Variants in OSBP2 observed in about 807,000 individuals in gnomAD.
The protein encoded by OSBP2 is oxysterol binding protein 2.
A neutral mutation model predicts 96.0 loss-of-function variants in OSBP2; 66 were observed. That is an observed-to-expected ratio of 0.69 (90% confidence interval 0.56 to 0.84). The LOEUF (loss-of-function observed/expected upper bound fraction) is 0.84, where lower values mean the gene tolerates loss of function less well. Among genes scored for constraint, OSBP2 ranks in the 40% least tolerant of loss-of-function variants. The probability of loss-of-function intolerance (pLI) is 0.00; values close to 1 mark genes in which losing one functional copy is unlikely to be tolerated. For synonymous variants in OSBP2, 525 were observed against 520.9 expected, an observed-to-expected ratio of 1.01 and a Z score of -0.11; for missense variants, 1,038 against 1,222.7, an observed-to-expected ratio of 0.85 and a Z score of 2.25.
rs368427485 is a variant in OSBP2 at position 30,888,273 on chromosome 22, G to A, written c.1351G>A (p.Glu451Lys). The A allele has an allele frequency of 1.1e-5, 17 of 1,613,710 alleles. No homozygotes were observed. Among genetic ancestry groups the A allele is most frequent in the African/African-American group, 8.0e-5 (6 of 74,902 alleles). ...GEDSEEDEDT[E>K]YFDAMEDSTS... ...GGACAGTGAGGAAGATGAAGATACC[G>A]AGTACTTTGATGCCATGGAAGACTC... Residue 451 changes from glutamate to lysine, a missense_variant, in exon 5 of 14, where the codon GAG (glutamate) becomes AAG (lysine). Glu to Lys is a moderately conservative substitution (Grantham distance 56, BLOSUM62 1). Transcript: ENST00000332585.
chr22:30,843,900 A>T (rs1367943543), intron 2 of OSBP2, among the ~76,000 whole-genome samples: 4 of 148,388 alleles, frequency 2.7e-5, no homozygotes, highest in Non-Finnish European at 4.5e-5. Flanking sequence ...TTGAGACAAG[A>T]TCTTACTCTG....
intron 2 of OSBP2, among the ~76,000 whole-genome samples, chr22:30,815,418 C>G (rs1411379342): frequency 1.3e-5 from 2 of 152,206 alleles, no homozygotes; most frequent in Non-Finnish European, 2.9e-5. Flanking sequence ...CCTTCGATAT[C>G]TTCTGTACTT....
intron 2 of OSBP2, among the ~76,000 whole-genome samples, chr22:30,825,752 T>G (rs560739876): frequency 6.6e-6 from 1 of 152,198 alleles, no homozygotes; most frequent in Non-Finnish European, 1.5e-5. Flanking sequence ...CTGGTGGCCT[T>G]GGGCAGGCCC....
chr22:30,893,345 C>A (rs2039995269), intron 9 of OSBP2, 103 bp downstream of exon 9: 10 of 1,545,636 alleles, frequency 6.5e-6, no homozygotes, highest in Admixed American at 1.7e-5. Flanking sequence ...AGGGAGACCT[C>A]CCTGTAGGCC....
intron 2 of OSBP2, among the ~76,000 whole-genome samples, chr22:30,762,554 A>AG (rs1330695061): frequency 6.6e-6 from 1 of 152,146 alleles, no homozygotes; most frequent in East Asian, 1.9e-4. Flanking sequence ...AAAAAAAAAA[A>AG]TGCAATTTTG....
At chr22:30,773,697 T>C (rs971783784) in intron 2 of OSBP2, among the ~76,000 whole-genome samples, 1 of 151,800 alleles carries the variant, frequency 6.6e-6, no homozygotes, top group African/African-American at 2.4e-5. Flanking sequence ...GACACAGTGG[T>C]CACTTTGGTC....
intron 2 of OSBP2, among the ~76,000 whole-genome samples, chr22:30,787,293 G>T (rs1311952880): frequency 6.6e-6 from 1 of 152,198 alleles, no homozygotes; most frequent in Middle Eastern, 3.2e-3. Flanking sequence ...TAACATGGCG[G>T]CAGGAAGGAG....
intron 2 of OSBP2, among the ~76,000 whole-genome samples, chr22:30,816,212 A>T (rs1464551063): frequency 6.6e-6 from 1 of 152,178 alleles, no homozygotes; most frequent in Admixed American, 6.5e-5. Flanking sequence ...CCAACAAAGG[A>T]GGAACATTCT....
intron 2 of OSBP2, among the ~76,000 whole-genome samples, chr22:30,846,062 T>C (rs2038864199): frequency 6.6e-6 from 1 of 152,114 alleles, no homozygotes; most frequent in African/African-American, 2.4e-5. Context: ...CTTGGGTGTA[T>C]ACCTAGGAGT....
intron 1 of OSBP2, among the ~76,000 whole-genome samples, chr22:30,736,113 C>G (rs2089850992): frequency 6.6e-6 from 1 of 151,986 alleles, no homozygotes; most frequent in Non-Finnish European, 1.5e-5. Flanking sequence ...GGGGTTTCAC[C>G]ATGTTGTCCA....
At chr22:30,730,244 C>T (rs1373312140) in intron 1 of OSBP2, among the ~76,000 whole-genome samples, 3 of 152,068 alleles carry the variant, frequency 2.0e-5, no homozygotes, top group East Asian at 1.9e-4. Context: ...ATTACAGGCG[C>T]GAGCCACCGC....
chr22:30,805,993 A>ATG, intron 2 of OSBP2, among the ~76,000 whole-genome samples: 1 of 152,290 alleles, frequency 6.6e-6, no homozygotes, highest in South Asian at 2.1e-4. Context: ...CTCCAACGAT[A>ATG]TGTGTCTCTT....
chr22:30,807,988 C>T (rs1300283221), intron 2 of OSBP2, among the ~76,000 whole-genome samples: 4 of 151,950 alleles, frequency 2.6e-5, no homozygotes, highest in Admixed American at 2.0e-4. Flanking sequence ...CAAGGTCTTG[C>T]TGTGTTGCCT....
At chr22:30,793,365 G>C (rs142380785) in intron 2 of OSBP2, among the ~76,000 whole-genome samples, 67 of 152,082 alleles carry the variant, frequency 4.4e-4, no homozygotes, top group African/African-American at 1.6e-3. Context: ...ACTCCAGCCT[G>C]GGAAAAAAGA....
chr22:30,852,882 T>C (rs2039002651), intron 2 of OSBP2, among the ~76,000 whole-genome samples: 1 of 152,238 alleles, frequency 6.6e-6, no homozygotes, highest in Admixed American at 6.5e-5. Context: ...TTCAACCCAT[T>C]GGCTATTGAA....
intron 2 of OSBP2, among the ~76,000 whole-genome samples, chr22:30,766,124 A>G (rs186041473): frequency 2.6e-5 from 4 of 152,268 alleles, no homozygotes; most frequent in Admixed American, 2.6e-4. Context: ...AGTCCTACCT[A>G]CTCAAGAGAC....
chr22:30,770,989 G>A (rs1026344990), intron 2 of OSBP2, among the ~76,000 whole-genome samples: 9 of 152,214 alleles, frequency 5.9e-5, no homozygotes, highest in Non-Finnish European at 1.3e-4. Context: ...AGGTTCAAGC[G>A]ATTCTCCTGC....
At chr22:30,894,115 A>G (rs900152853) in intron 12 of OSBP2, 114 bp downstream of exon 12, 7 of 810,234 alleles carry the variant, frequency 8.6e-6, no homozygotes, top group Non-Finnish European at 1.4e-5. Context: ...ACACATGGGC[A>G]GAGAACAGTA....
intron 12 of OSBP2, among the ~76,000 whole-genome samples, chr22:30,898,676 A>G (rs917796319): frequency 1.3e-5 from 2 of 152,018 alleles, no homozygotes; most frequent in Non-Finnish European, 1.5e-5. Flanking sequence ...AACCACCCCC[A>G]TGGTCCAATC....
Sources: gnomAD v4.1 joint callset for allele counts (sites outside exome capture counted in the v4.1 genomes callset) on GRCh38, gnomAD v4.1.1 for gene constraint, MANE v1.5 for transcripts, NCBI Gene and HGNC (gene_info 2026-07-23, HGNC 2026-07-21) for gene names.